DNAH12: variants seen among roughly 807,000 people sequenced by gnomAD.
DNAH12 encodes axonemal beta dynein heavy chain 12.
A neutral mutation model predicts 371.5 loss-of-function variants in DNAH12; 285 were observed. The ratio of observed to expected loss-of-function variants is 0.77; its 90% confidence interval spans 0.70 to 0.85. The LOEUF (loss-of-function observed/expected upper bound fraction) is 0.85, where lower values mean the gene tolerates loss of function less well. Ranked by LOEUF, DNAH12 falls within the 40% of genes least tolerant of loss-of-function variation. The probability of loss-of-function intolerance (pLI) is 0.00; values close to 1 mark genes in which losing one functional copy is unlikely to be tolerated. For missense variants in DNAH12, 3,611 were observed against 3,689.4 expected (o/e 0.98, Z 0.55); for synonymous variants, 1,200 against 1,213.0 (o/e 0.99, Z 0.22).
intron 60 of DNAH12, among the ~76,000 whole-genome samples, chr3:57,337,836 A>T (rs1553654283): frequency 6.6e-6 from 1 of 152,188 alleles, no homozygotes; most frequent in Non-Finnish European, 1.5e-5. Flanking sequence ...AAAGTCAACA[A>T]AGAAACTGCA....
intron 59 of DNAH12, among the ~76,000 whole-genome samples, chr3:57,352,906 T>C (rs374469882): frequency 1.3e-5 from 2 of 151,986 alleles, no homozygotes; most frequent in Admixed American, 6.6e-5. Flanking sequence ...CTGGTCAACA[T>C]GGTGAAACCT....
At chr3:57,490,366 G>T (rs2067074848) in intron 11 of DNAH12, among the ~76,000 whole-genome samples, 2 of 152,074 alleles carry the variant, frequency 1.3e-5, no homozygotes, top group Non-Finnish European at 1.5e-5. Context: ...AGGAACAGAT[G>T]CTCTGCAATT....
chr3:57,541,042 T>C (rs6445909), intron 2 of DNAH12, among the ~76,000 whole-genome samples: 126,531 of 151,114 alleles, frequency 0.84, 53,618 homozygotes, highest in African/African-American at 0.95. Flanking sequence ...TCTCTCCCCC[T>C]CCCTTTTATT....
Position 57,470,559 on chromosome 3 carries a change from C to G in DNAH12, c.1989G>C (p.Glu663Asp). Residue 663 changes from glutamate to aspartate, a missense_variant, in exon 16 of 74, where the codon GAG becomes GAC. This residue lies in a region of DNAH12 where 1,314 missense variants were observed against 1,398.7 expected (regional missense o/e 0.94). Coordinates refer to ENST00000495027, the MANE Select transcript of DNAH12 (RefSeq NM_001366028.2). The stretch of plus-strand genomic sequence containing the variant: ...TTGTCAATTCCCACTTGAAAAGTTC[C>G]TCTTCTTTATTAATAAACTGCACTG... Reference protein sequence around the residue: ...EEAVQFINKEEELFKWELTKY... With the variant: ...EEAVQFINKEDELFKWELTKY... The G allele has an allele frequency of 6.5e-7, 1 of 1,550,124 alleles. No homozygotes were observed. The highest frequency in any genetic ancestry group is 8.7e-7 in the Non-Finnish European group (1 of 1,146,660).
At chr3:57,364,327 G>A (rs2063001061) in intron 57 of DNAH12, among the ~76,000 whole-genome samples, 4 of 152,070 alleles carry the variant, frequency 2.6e-5, no homozygotes. Flanking sequence ...CTACAAGTGG[G>A]ATTTAAATAT....
chr3:57,343,704 G>A (rs1314489339), intron 60 of DNAH12, among the ~76,000 whole-genome samples: 2 of 152,128 alleles, frequency 1.3e-5, no homozygotes, highest in Non-Finnish European at 2.9e-5. Flanking sequence ...GAAGGCCACT[G>A]TCTCCTGCCT....
At chr3:57,419,321 TG>T in intron 37 of DNAH12, 45 bp downstream of exon 37, 1 of 1,456,594 alleles carries the variant, frequency 6.9e-7, no homozygotes. Flanking sequence ...CCTATTAAAA[TG>T]GTACTTTTAC....
At chr3:57,310,439 C>T (rs1420052579) in intron 67 of DNAH12, among the ~76,000 whole-genome samples, 1 of 152,140 alleles carries the variant, frequency 6.6e-6, no homozygotes, top group Non-Finnish European at 1.5e-5. Flanking sequence ...GATTGGCAGG[C>T]CCCTGGCACT....
chr3:57,320,915 T>C (rs2061790303), intron 65 of DNAH12, among the ~76,000 whole-genome samples: 1 of 152,226 alleles, frequency 6.6e-6, no homozygotes, highest in African/African-American at 2.4e-5. Flanking sequence ...CCTTACCTAT[T>C]ACCACTGTTC....
At chr3:57,441,132 T>TA (rs879376657) in intron 29 of DNAH12, among the ~76,000 whole-genome samples, 4 of 151,966 alleles carry the variant, frequency 2.6e-5, no homozygotes, top group Non-Finnish European at 5.9e-5. Flanking sequence ...ACAATACATT[T>TA]ACAAAGTATA....
chr3:57,359,205 C>A (rs2062866339), intron 58 of DNAH12, among the ~76,000 whole-genome samples: 1 of 152,132 alleles, frequency 6.6e-6, no homozygotes, highest in Admixed American at 6.5e-5. Flanking sequence ...AATATAAATA[C>A]ATTTTAAAAA....
intron 29 of DNAH12, among the ~76,000 whole-genome samples, chr3:57,441,459 G>A (rs9856952): frequency 0.076 from 11,509 of 152,162 alleles, 1,488 homozygotes; most frequent in African/African-American, 0.26. Context: ...CTGAAGTTCC[G>A]GAAGGAGAGA....
Position 57,459,703 on chromosome 3 carries a change from G to C in DNAH12, c.2820C>G (p.Pro940=), listed in dbSNP as rs2066000195. Residue 940 remains proline (P), a synonymous_variant, in exon 20 of 74, where the codon CCC becomes CCG. Coordinates refer to ENST00000495027, the MANE Select transcript of DNAH12 (RefSeq NM_001366028.2). ...GCATGATATCCTCAGAACAAAAGAT[G>C]GGCTCTAAGTACAGCCATTGAGCTT... ...KVQAQWLYLE[P]IFCSEDIMQQ... 1 of 1,548,980 alleles carries C rather than the reference G, an allele frequency of 6.5e-7. No individual in the cohort carries two copies. Among genetic ancestry groups the C allele is most frequent in the Non-Finnish European group, 8.7e-7 (1 of 1,145,220 alleles).
At position 57,445,401 on chromosome 3, in the gene DNAH12, C is replaced by T; in HGVS notation, c.4198G>A (p.Ala1400Thr). 6.5e-7 allele frequency: 1 copy of T among 1,531,558 alleles called. No homozygotes were observed. The highest frequency in any genetic ancestry group is 8.8e-7 in the Non-Finnish European group (1 of 1,140,816). 94.9% of individuals were successfully genotyped at this position (1,531,558 alleles called of 1,614,324 possible). A position where few individuals can be genotyped will look rare whatever the true frequency, so the allele number is the denominator to read the frequency against. The change falls in exon 28 of 74, where the codon GCT becomes ACT. Residue 1400 changes from alanine (A) to threonine (T), a missense_variant. Coordinates refer to ENST00000495027, the MANE Select transcript of DNAH12 (RefSeq NM_001366028.2). ...DNLKVLFRTV[A>T]MMVPNYALIA... ...AGCGCATAGTTTGGAACCATCATAG[C>T]CACTGTTCTAAAAAGAACCTGAAGT...
In DNAH12 at chr3:57,433,429, C is replaced by CAA; in HGVS notation, c.4916_4917dup (p.Asp1640LeufsTer10). Reference sequence around the variant, plus strand: ...ATCCACAAAGTGTCAATAGGACCATCAAATACAACCCATTTCCGGTCAGGT... The same window carrying CAA: ...ATCCACAAAGTGTCAATAGGACCATCAAAAATACAACCCATTTCCGGTCAGGT... On this transcript the variant is annotated frameshift_variant, in exon 32 of 74. Coordinates refer to ENST00000495027, the MANE Select transcript of DNAH12 (RefSeq NM_001366028.2). LOFTEE classifies it high-confidence loss of function. 4 of 1,551,480 alleles carry CAA rather than the reference C, an allele frequency of 2.6e-6. No individual in the cohort carries two copies. Among genetic ancestry groups the CAA allele is most frequent in the Non-Finnish European group, 3.5e-6 (4 of 1,146,920 alleles).
At chr3:57,351,261 T>G (rs1255648280) in intron 60 of DNAH12, among the ~76,000 whole-genome samples, 2 of 151,422 alleles carry the variant, frequency 1.3e-5, no homozygotes, top group African/African-American at 4.9e-5. Context: ...AGAGTGAGAC[T>G]GTCTCAAAAC....
intron 40 of DNAH12, among the ~76,000 whole-genome samples, chr3:57,407,262 C>G (rs1339685524): frequency 8.3e-6 from 1 of 121,114 alleles, no homozygotes; most frequent in South Asian, 3.2e-4. Flanking sequence ...CATGGTAGGT[C>G]TATAATGCTT....
intron 69 of DNAH12, among the ~76,000 whole-genome samples, chr3:57,305,994 C>A (rs2061461915): frequency 6.6e-6 from 1 of 152,194 alleles, no homozygotes; most frequent in Non-Finnish European, 1.5e-5. Flanking sequence ...GAAATGCCCG[C>A]AGCCCGGGAT....
intron 2 of DNAH12, among the ~76,000 whole-genome samples, chr3:57,532,548 C>A (rs1400686014): frequency 6.6e-6 from 1 of 152,236 alleles, no homozygotes; most frequent in Non-Finnish European, 1.5e-5. Context: ...TTAGGGGGCA[C>A]CCCAAGTCCA....
Sources: allele counts gnomAD v4.1 joint callset (sites outside exome capture counted in the v4.1 genomes callset), GRCh38; gene constraint gnomAD v4.1.1; regional missense constraint gnomAD v4.1.1; transcripts MANE v1.5; gene names NCBI Gene and HGNC (gene_info 2026-07-23, HGNC 2026-07-21).